The following SORCS2 variants were observed in gnomAD, a reference collection of about 807,000 sequenced individuals.
The protein encoded by SORCS2 is VPS10 domain-containing receptor SorCS2.
SORCS2 carries 100 observed loss-of-function variants against 141.6 expected under a neutral mutation model. That is an observed-to-expected ratio of 0.71 (90% confidence interval 0.60 to 0.83). The LOEUF (loss-of-function observed/expected upper bound fraction) is 0.83, where lower values mean the gene tolerates loss of function less well. SORCS2 is among the 40% of genes least tolerant of loss of function. SORCS2 has a pLI of 0.00. For missense variants in SORCS2, 1,646 were observed against 1,560.2 expected (o/e 1.05, Z -0.93); for synonymous variants, 789 against 676.9 (o/e 1.17, Z -2.57).
At chr4:7,407,645 C>G (rs1384396994) in intron 2 of SORCS2, among the ~76,000 whole-genome samples, 1 of 151,982 alleles carries the variant, frequency 6.6e-6, no homozygotes, top group Non-Finnish European at 1.5e-5. Flanking sequence ...CACTCTATAC[C>G]TTTTCATTGG....
intron 3 of SORCS2, among the ~76,000 whole-genome samples, chr4:7,541,492 C>T (rs1712656104): frequency 6.6e-6 from 1 of 152,176 alleles, no homozygotes; most frequent in South Asian, 2.1e-4. Flanking sequence ...GGAGGGGTAT[C>T]CCTAGCCTCC....
chr4:7,567,236 A>G (rs981679887), intron 3 of SORCS2, among the ~76,000 whole-genome samples: 1 of 152,194 alleles, frequency 6.6e-6, no homozygotes, highest in African/African-American at 2.4e-5. Flanking sequence ...AGGAACCAAT[A>G]TGGATGCGTT....
chr4:7,591,951 C>T (rs889768100), intron 3 of SORCS2, among the ~76,000 whole-genome samples: 3 of 152,050 alleles, frequency 2.0e-5, no homozygotes, highest in African/African-American at 7.2e-5. Context: ...TATATGGGGC[C>T]ATTTCAGCCG....
At chr4:7,503,120 G>A (rs1188974699) in intron 2 of SORCS2, among the ~76,000 whole-genome samples, 1 of 152,098 alleles carries the variant, frequency 6.6e-6, no homozygotes, top group Admixed American at 6.6e-5. Context: ...TATATCAGAG[G>A]CCTAAAATAT....
rs1727470477 is a variant in SORCS2 at position 7,201,270 on chromosome 4, A to G, written c.480+8144A>G. On this transcript the variant is annotated intron_variant, in intron 1 of 26. Coordinates refer to ENST00000507866, the MANE Select transcript of SORCS2 (RefSeq NM_020777.3). This position sits in a 1 kb window ranked among gnomAD's most constrained non-coding sequence, Gnocchi z 4.4. The stretch of plus-strand genomic sequence containing the variant: ...TGGAGCGCTCATGGGCACAGGAGAG[A>G]CTCGTGCGTTGATCAAGAAGCCTGG... 6.6e-6 allele frequency among the ~76,000 whole-genome samples: 1 copy of G among 152,040 alleles called. No individual in the cohort carries two copies. Among genetic ancestry groups the G allele is most frequent in the South Asian group, 2.1e-4 (1 of 4,820 alleles).
intron 1 of SORCS2, among the ~76,000 whole-genome samples, chr4:7,367,600 G>A (rs1446076213): frequency 6.6e-6 from 1 of 152,232 alleles, no homozygotes; most frequent in Non-Finnish European, 1.5e-5. Context: ...GGGCTGGGCT[G>A]TTCAGGCTGA....
At chr4:7,737,425 A>G (rs1712279502) in intron 26 of SORCS2, among the ~76,000 whole-genome samples, 1 of 152,126 alleles carries the variant, frequency 6.6e-6, no homozygotes, top group Non-Finnish European at 1.5e-5. Context: ...CATCCCTGGC[A>G]ATGACCAAAA....
intron 1 of SORCS2, among the ~76,000 whole-genome samples, chr4:7,269,700 C>G (rs952833379): frequency 6.6e-6 from 1 of 152,222 alleles, no homozygotes; most frequent in Non-Finnish European, 1.5e-5. Context: ...GGCTTTGTCT[C>G]TGAGCCTCCA....
In SORCS2 at chr4:7,715,186, C is replaced by G. The variant is rs200029920; in HGVS notation, c.2127C>G (p.Asp709Glu). ...CECRDSDFLC[D>E]YGFERSSSSE... is the part of the protein sequence containing the mutation. ...CACTACTCTTCCCTCCTCCCAGCGA[C>G]TACGGATTTGAGCGCTCCTCCTCCT... is the stretch of plus-strand genomic sequence containing the variant. Residue 709 changes from aspartate (D) to glutamate (E), a missense_variant, in exon 17 of 27, where the codon GAC becomes GAG. By Grantham distance (45) the Asp-to-Glu change is conservative. Transcript: ENST00000507866. 2.0e-5 allele frequency: 32 copies of G among 1,613,796 alleles called. No individual in the cohort carries two copies. Among genetic ancestry groups the G allele is most frequent in the Admixed American group, 1.3e-4 (8 of 59,996 alleles).
intron 1 of SORCS2, among the ~76,000 whole-genome samples, chr4:7,273,504 A>G (rs758249423): frequency 6.6e-6 from 1 of 151,994 alleles, no homozygotes; most frequent in Non-Finnish European, 1.5e-5. Flanking sequence ...AGGCAGAGGG[A>G]GAGAGAGAGA....
intron 2 of SORCS2, among the ~76,000 whole-genome samples, chr4:7,513,252 T>G (rs528867021): frequency 2.4e-3 from 371 of 152,294 alleles, no homozygotes; most frequent in Non-Finnish European, 3.3e-3. Flanking sequence ...CAGTTACACA[T>G]TAGACTGGGT....
chr4:7,267,324 G>A (rs558757275), intron 1 of SORCS2, among the ~76,000 whole-genome samples: 2 of 152,260 alleles, frequency 1.3e-5, no homozygotes, highest in South Asian at 2.1e-4. Context: ...CTTACTTGAG[G>A]GCAGAGCCTG....
At chr4:7,305,586 C>G (rs1411221066) in intron 1 of SORCS2, among the ~76,000 whole-genome samples, 3 of 152,060 alleles carry the variant, frequency 2.0e-5, no homozygotes, top group Non-Finnish European at 4.4e-5. Flanking sequence ...GCTCTAAGGC[C>G]CCCCCAGCAT....
chr4:7,661,607 C>T, intron 6 of SORCS2, 43 bp downstream of exon 6: 1 of 1,534,500 alleles, frequency 6.5e-7, no homozygotes, highest in East Asian at 2.5e-5. Flanking sequence ...CCTGAGTCAC[C>T]TCGCACCCGA....
chr4:7,606,988 T>C (rs1415322397), intron 3 of SORCS2, among the ~76,000 whole-genome samples: 1 of 152,246 alleles, frequency 6.6e-6, no homozygotes, highest in Admixed American at 6.5e-5. Context: ...TGATAAGTCC[T>C]ACACTTTATA....
At chr4:7,297,557 G>C (rs934452434) in intron 1 of SORCS2, among the ~76,000 whole-genome samples, 2 of 152,156 alleles carry the variant, frequency 1.3e-5, no homozygotes, top group African/African-American at 4.8e-5. Flanking sequence ...GGTGAACGTG[G>C]GGCAGAGAGG....
chr4:7,523,223 C>A (rs1399398159), intron 2 of SORCS2, among the ~76,000 whole-genome samples: 2 of 152,114 alleles, frequency 1.3e-5, no homozygotes, highest in Non-Finnish European at 2.9e-5. Context: ...TCAGGAGCCA[C>A]TAGGACCGCT....
At chr4:7,436,533 G>A (rs1727312895) in intron 2 of SORCS2, among the ~76,000 whole-genome samples, 1 of 152,216 alleles carries the variant, frequency 6.6e-6, no homozygotes, top group African/African-American at 2.4e-5. Context: ...AGGCCAGAAT[G>A]TCCTCCTCAT....
intron 2 of SORCS2, among the ~76,000 whole-genome samples, chr4:7,442,410 C>T (rs1205566793): frequency 8.5e-5 from 1 of 11,700 alleles, no homozygotes; most frequent in African/African-American, 8.8e-4. Context: ...ACCCCCTCCC[C>T]GAGCCCAGAT....
Sources: allele counts gnomAD v4.1 joint callset (sites outside exome capture counted in the v4.1 genomes callset), GRCh38; gene constraint gnomAD v4.1.1; non-coding constraint Gnocchi (gnomAD v3.1); transcripts MANE v1.5; gene names NCBI Gene and HGNC (gene_info 2026-07-23, HGNC 2026-07-21).